The following ATP6V1C2 variants were observed in gnomAD, a reference collection of about 807,000 sequenced individuals.
ATP6V1C2 encodes V-type proton ATPase subunit C 2.
Under a neutral mutation model 56.8 loss-of-function variants are expected in ATP6V1C2, and 45 were observed. That is an observed-to-expected ratio of 0.79 (90% CI 0.62 to 1.02). The LOEUF is 1.02. Ranked by LOEUF, ATP6V1C2 falls within the 50% of genes least tolerant of loss-of-function variation. The probability of loss-of-function intolerance (pLI) is 0.00; values close to 1 mark genes in which losing one functional copy is unlikely to be tolerated. For missense variants in ATP6V1C2, 463 were observed against 519.7 expected, an observed-to-expected ratio of 0.89 and a Z score of 1.06; for synonymous variants, 220 against 201.3, an observed-to-expected ratio of 1.09 and a Z score of -0.79.
chr2:10,724,647 T>G (rs1661539375), intron 2 of ATP6V1C2, among the ~76,000 whole-genome samples: 1 of 150,998 alleles, frequency 6.6e-6, no homozygotes, highest in Non-Finnish European at 1.5e-5. Context: ...TTGGTAGAGA[T>G]ATTCAGGCTT....
chr2:10,724,667 C>T (rs943344256), intron 2 of ATP6V1C2, among the ~76,000 whole-genome samples: 1 of 134,910 alleles, frequency 7.4e-6, no homozygotes, highest in Admixed American at 9.3e-5. Flanking sequence ...TCATCATTTC[C>T]TAATTACTTT....
intron 3 of ATP6V1C2, 113 bp from the exon 4 acceptor site, chr2:10,753,868 C>A: frequency 1.0e-6 from 1 of 960,156 alleles, no homozygotes; most frequent in Admixed American, 2.1e-5. Context: ...ATACATCTTG[C>A]CAAATTATTC....
chr2:10,768,866 C>A, intron 6 of ATP6V1C2, 56 bp downstream of exon 6: 1 of 1,461,938 alleles, frequency 6.8e-7, no homozygotes, highest in South Asian at 1.1e-5. Flanking sequence ...GGGGGCTTAG[C>A]GCTTGCCTGT....
intron 3 of ATP6V1C2, among the ~76,000 whole-genome samples, chr2:10,733,469 A>G (rs1252607811): frequency 6.6e-6 from 1 of 152,036 alleles, no homozygotes; most frequent in Non-Finnish European, 1.5e-5. Flanking sequence ...TTTATTATTT[A>G]TTTACTTAGG....
chr2:10,778,391 A>AGGTGCCCTGGACCTCGAGGTCC, intron 11 of ATP6V1C2, 181 bp from the exon 12 acceptor site: 3 of 602,498 alleles, frequency 5.0e-6, no homozygotes, highest in Non-Finnish European at 8.8e-6. Context: ...CCCCGGCACC[A>AGGTGCCCTGGACCTCGAGGTCC]GGTGCCCTGG....
At chr2:10,727,063 C>CCCTCCCTT (rs1391868218) in intron 3 of ATP6V1C2, among the ~76,000 whole-genome samples, 2 of 148,654 alleles carry the variant, frequency 1.3e-5, no homozygotes, top group Non-Finnish European at 3.0e-5. Flanking sequence ...CTCCCTCCCT[C>CCCTCCCTT]CCTCCCTCCC....
intron 3 of ATP6V1C2, among the ~76,000 whole-genome samples, chr2:10,727,647 C>A (rs898552746): frequency 6.6e-6 from 1 of 152,072 alleles, no homozygotes; most frequent in Non-Finnish European, 1.5e-5. Context: ...CCCTATAATC[C>A]CAGCATTTTG....
intron 3 of ATP6V1C2, among the ~76,000 whole-genome samples, chr2:10,749,025 G>A (rs1298491121): frequency 6.6e-6 from 1 of 151,058 alleles, no homozygotes; most frequent in African/African-American, 2.4e-5. Flanking sequence ...AGCTACCAGG[G>A]AAGCTGAGGC....
intron 6 of ATP6V1C2, among the ~76,000 whole-genome samples, chr2:10,769,764 A>G (rs1239561290): frequency 6.6e-6 from 1 of 152,110 alleles, no homozygotes; most frequent in African/African-American, 2.4e-5. Context: ...CCTGCTGGAG[A>G]GGCTGCTCCT....
chr2:10,723,614 G>T (rs946561701), intron 2 of ATP6V1C2, among the ~76,000 whole-genome samples: 8 of 151,772 alleles, frequency 5.3e-5, no homozygotes, highest in African/African-American at 1.9e-4. Context: ...CGAGGTGGGT[G>T]GATCATGAGG....
At chr2:10,776,257 G>A (rs558221503) in intron 10 of ATP6V1C2, among the ~76,000 whole-genome samples, 44 of 125,918 alleles carry the variant, frequency 3.5e-4, no homozygotes, top group Non-Finnish European at 6.5e-4. Context: ...AGCACAGGGC[G>A]CTCACACACG....
rs907610936 is a variant in ATP6V1C2 at position 10,721,674 on chromosome 2, ACCCGCCG to A, written c.-79_-73del. On this transcript the variant is annotated 5_prime_UTR_variant, in exon 1 of 14. Transcript: ENST00000272238. Reference sequence around the variant, plus strand: ...AGCCGGCAGAGCGCTCCGGCCCCGCACCCGCCGCCCGTCGCCCGCAGCCCCCTACCGC... The same window carrying A: ...AGCCGGCAGAGCGCTCCGGCCCCGCACCCGTCGCCCGCAGCCCCCTACCGC... 5 of 151,206 alleles carry A rather than the reference ACCCGCCG, an allele frequency of 3.3e-5. No homozygotes were observed. Among genetic ancestry groups the A allele is most frequent in the East Asian group, 2.0e-4 (1 of 5,106 alleles). The allele number at this position is 151,206 out of a possible 1,614,324, so 9.4% of individuals were successfully genotyped here. A position where few individuals can be genotyped will look rare whatever the true frequency, so the allele number is the denominator to read the frequency against.
rs1392969743 is a variant in ATP6V1C2 at position 10,780,626 on chromosome 2, G to A, written c.1062-1617G>A. Reference sequence around the variant, plus strand: ...ACATGGCCCCAGATCAACCCTGCCCGGCTCAGAAGTCGGTTGCTCTCAGGC... The same window carrying A: ...ACATGGCCCCAGATCAACCCTGCCCAGCTCAGAAGTCGGTTGCTCTCAGGC... On this transcript the variant is annotated intron_variant, in intron 12 of 13. Transcript: ENST00000272238. This position sits in a 1 kb window ranked among gnomAD's most constrained non-coding sequence, Gnocchi z 4.1. 5.9e-5 allele frequency among the ~76,000 whole-genome samples: 9 copies of A among 152,342 alleles called. No homozygotes were observed. Among genetic ancestry groups the A allele is most frequent in the African/African-American group, 1.9e-4 (8 of 41,568 alleles).
intron 3 of ATP6V1C2, among the ~76,000 whole-genome samples, chr2:10,727,272 G>A (rs943012769): frequency 1.3e-5 from 2 of 151,636 alleles, no homozygotes; most frequent in Admixed American, 1.3e-4. Flanking sequence ...GTTTCACCAT[G>A]TGTTCCAGGC....
intron 2 of ATP6V1C2, among the ~76,000 whole-genome samples, chr2:10,725,075 G>C (rs1273447532): frequency 6.6e-6 from 1 of 151,912 alleles, no homozygotes; most frequent in Non-Finnish European, 1.5e-5. Flanking sequence ...TCTGTGAAAA[G>C]ACCTTTAAAT....
intron 2 of ATP6V1C2, among the ~76,000 whole-genome samples, chr2:10,724,210 T>C (rs948726245): frequency 2.0e-5 from 3 of 152,206 alleles, no homozygotes; most frequent in Admixed American, 2.0e-4. Flanking sequence ...TCTGCTCTTG[T>C]AGAAAACTGC....
intron 3 of ATP6V1C2, among the ~76,000 whole-genome samples, chr2:10,740,276 G>A (rs906888465): frequency 9.9e-5 from 15 of 152,144 alleles, no homozygotes; most frequent in African/African-American, 3.6e-4. Context: ...ATGTGTGATT[G>A]TTTTAATGTG....
chr2:10,756,315 G>A (rs533357027), intron 4 of ATP6V1C2, among the ~76,000 whole-genome samples: 3 of 152,100 alleles, frequency 2.0e-5, no homozygotes, highest in South Asian at 2.1e-4. Flanking sequence ...AGCCGAGATC[G>A]CACCATTGCA....
At chr2:10,769,212 C>CCAGAG (rs1334791819) in intron 6 of ATP6V1C2, among the ~76,000 whole-genome samples, 1 of 152,192 alleles carries the variant, frequency 6.6e-6, no homozygotes, top group Admixed American at 6.5e-5. Flanking sequence ...GCTCTGTGGC[C>CCAGAG]CAGAGCAGAG....
Sources: gnomAD v4.1 joint callset for allele counts (sites outside exome capture counted in the v4.1 genomes callset) on GRCh38, gnomAD v4.1.1 for gene constraint, Gnocchi (gnomAD v3.1) non-coding constraint, MANE v1.5 for transcripts, NCBI Gene and HGNC (gene_info 2026-07-23, HGNC 2026-07-21) for gene names.